ADAMTSL1: variants seen among roughly 807,000 people sequenced by gnomAD.
The protein encoded by ADAMTSL1 is ADAMTS like 1.
ADAMTSL1 carries 126 observed loss-of-function variants against 201.8 expected under a neutral mutation model. The ratio of observed to expected loss-of-function variants is 0.62; its 90% CI spans 0.54 to 0.72. The LOEUF (loss-of-function observed/expected upper bound fraction) is 0.72, where lower values mean the gene tolerates loss of function less well. ADAMTSL1 is among the 30% of genes least tolerant of loss of function. The probability of loss-of-function intolerance (pLI) is 0.00; values close to 1 mark genes in which losing one functional copy is unlikely to be tolerated. For synonymous variants in ADAMTSL1, 1,121 were observed against 903.4 expected (o/e 1.24, Z -4.32); for missense variants, 2,679 against 2,277.8 (o/e 1.18, Z -3.59).
In ADAMTSL1 at chr9:18,667,375, A is replaced by G. The variant is rs1829512666; in HGVS notation, c.1085+5302A>G. Among the ~76,000 whole-genome samples the G allele has an allele frequency of 3.9e-5, 6 of 152,210 alleles. No individual in the cohort carries two copies. In the South Asian group the frequency reaches 1.2e-3, roughly 32 times the overall value. On this transcript the variant is annotated intron_variant, in intron 9 of 28. Transcript: ENST00000380548. ...GTGTAGTAGGCATGTAAAAATACTG[A>G]TTCTCACACCAACTTGGTGACCAAC...
intron 2 of ADAMTSL1, among the ~76,000 whole-genome samples, chr9:18,295,207 GC>G (rs1833429302): frequency 6.6e-6 from 1 of 152,078 alleles, no homozygotes; most frequent in Admixed American, 6.6e-5. Flanking sequence ...GGCAATGAGG[GC>G]CCAGGTCAGT....
chr9:18,030,645 A>G (rs1422637696), intron 1 of ADAMTSL1, among the ~76,000 whole-genome samples: 1 of 152,182 alleles, frequency 6.6e-6, no homozygotes, highest in Non-Finnish European at 1.5e-5. Flanking sequence ...TTTGTACAGT[A>G]TGTCACAGGA....
chr9:17,916,165 C>G (rs936805642), intron 1 of ADAMTSL1, among the ~76,000 whole-genome samples: 1 of 152,234 alleles, frequency 6.6e-6, no homozygotes, highest in African/African-American at 2.4e-5. Flanking sequence ...AAGTGGTCTG[C>G]TCACTTCAGC....
intron 1 of ADAMTSL1, among the ~76,000 whole-genome samples, chr9:18,035,164 T>C (rs1232630257): frequency 6.6e-6 from 1 of 152,120 alleles, no homozygotes; most frequent in Non-Finnish European, 1.5e-5. Flanking sequence ...AACATGGGAC[T>C]GTGCATAAAG....
intron 1 of ADAMTSL1, among the ~76,000 whole-genome samples, chr9:18,097,410 T>C (rs1173023033): frequency 6.6e-6 from 1 of 152,220 alleles, no homozygotes; most frequent in Non-Finnish European, 1.5e-5. Context: ...TCAAAAATTT[T>C]CATTTTGCTT....
chr9:18,586,143 C>T (rs903830402), intron 4 of ADAMTSL1, among the ~76,000 whole-genome samples: 1 of 152,154 alleles, frequency 6.6e-6, no homozygotes, highest in Non-Finnish European at 1.5e-5. Context: ...GAAAGGAAGT[C>T]ACACTATCTC....
chr9:18,706,739 G>A lies in ADAMTSL1; in HGVS notation c.1575-8G>A, dbSNP rs369451715. The A allele has an allele frequency of 4.3e-4, 681 of 1,588,576 alleles. No individual in the cohort carries two copies. The highest frequency in any genetic ancestry group is 5.1e-4 in the Non-Finnish European group (598 of 1,166,726). ...CATCCTGTCCTCTTGTTTGCTTGCC[G>A]ACTGCAGGTTCATCCCAGAGGCCTG... is the stretch of plus-strand genomic sequence containing the variant. On this transcript the variant is annotated splice_region_variant and splice_polypyrimidine_tract_variant and intron_variant, in intron 13 of 28. Transcript: ENST00000380548.
At chr9:18,688,052 T>C (rs1030061999) in intron 13 of ADAMTSL1, among the ~76,000 whole-genome samples, 4 of 151,880 alleles carry the variant, frequency 2.6e-5, no homozygotes, top group African/African-American at 7.3e-5. Context: ...ATTGGTTTGT[T>C]ATGACACATC....
intron 2 of ADAMTSL1, among the ~76,000 whole-genome samples, chr9:18,349,597 C>T (rs1013817997): frequency 6.6e-6 from 1 of 152,104 alleles, no homozygotes; most frequent in African/African-American, 2.4e-5. Flanking sequence ...CAGAGAGGGT[C>T]CCTGCCTTAG....
chr9:18,875,675 A>ACTAT (rs1226947865), intron 23 of ADAMTSL1, among the ~76,000 whole-genome samples: 1 of 152,104 alleles, frequency 6.6e-6, no homozygotes, highest in Non-Finnish European at 1.5e-5. Context: ...TGTAACATAG[A>ACTAT]CTATCTTGGA....
At chr9:18,510,967 C>T (rs1817987947) in intron 2 of ADAMTSL1, among the ~76,000 whole-genome samples, 1 of 152,080 alleles carries the variant, frequency 6.6e-6, no homozygotes, top group Non-Finnish European at 1.5e-5. Context: ...TCTTTCAGAG[C>T]TCTAGGTTTA....
chr9:17,950,997 A>G (rs750396132), intron 1 of ADAMTSL1, among the ~76,000 whole-genome samples: 2 of 152,138 alleles, frequency 1.3e-5, no homozygotes, highest in Non-Finnish European at 2.9e-5. Flanking sequence ...GAGGCCTCAT[A>G]CAAGCCATGG....
At chr9:18,310,236 A>G (rs1834075745) in intron 2 of ADAMTSL1, among the ~76,000 whole-genome samples, 1 of 152,008 alleles carries the variant, frequency 6.6e-6, no homozygotes. Context: ...TAAAAATCCT[A>G]GAAGAAAACC....
At chr9:18,340,373 T>C (rs1284895568) in intron 2 of ADAMTSL1, among the ~76,000 whole-genome samples, 1 of 152,232 alleles carries the variant, frequency 6.6e-6, no homozygotes, top group Admixed American at 6.5e-5. Flanking sequence ...CCCAGATATG[T>C]ATCTTGAATT....
intron 5 of ADAMTSL1, among the ~76,000 whole-genome samples, chr9:18,631,102 A>G (rs938664773): frequency 7.9e-5 from 12 of 152,234 alleles, no homozygotes; most frequent in Non-Finnish European, 8.8e-5. Context: ...TTCTGATTTC[A>G]TATATGTTAA....
rs544264092 is a variant in ADAMTSL1, at chr9:18,657,760, T to C, written c.946+10T>C. ...GCAACCTGTGGAGGAGGTAATGGTG[T>C]TCACTTAGTCTAAAAACTGTTGGCT... On this transcript the variant is annotated intron_variant, in intron 8 of 28. Coordinates refer to ENST00000380548, the MANE Select transcript of ADAMTSL1 (RefSeq NM_001040272.6). 36 of 1,604,250 alleles carry C rather than the reference T, an allele frequency of 2.2e-5. No individual in the cohort carries two copies. In the South Asian group the frequency reaches 4.0e-4, roughly 18 times the overall value.
chr9:18,635,427 T>G (rs1246666050), intron 5 of ADAMTSL1, among the ~76,000 whole-genome samples: 3 of 152,094 alleles, frequency 2.0e-5, no homozygotes, highest in Admixed American at 2.0e-4. Flanking sequence ...CATATAGTAT[T>G]AGGAATAGAT....
chr9:18,609,587 C>T (rs143887703), intron 4 of ADAMTSL1, among the ~76,000 whole-genome samples: 72 of 152,182 alleles, frequency 4.7e-4, no homozygotes, highest in African/African-American at 1.7e-3. Flanking sequence ...CAAACTTGAC[C>T]CTGTCTCCAG....
intron 2 of ADAMTSL1, among the ~76,000 whole-genome samples, chr9:18,263,097 A>G (rs940603820): frequency 5.3e-5 from 8 of 152,176 alleles, no homozygotes; most frequent in African/African-American, 1.7e-4. Context: ...GGCATATGTT[A>G]TTTATCTTTT....
Sources: allele counts gnomAD v4.1 joint callset (sites outside exome capture counted in the v4.1 genomes callset), GRCh38; gene constraint gnomAD v4.1.1; transcripts MANE v1.5; gene names NCBI Gene and HGNC (gene_info 2026-07-23, HGNC 2026-07-21).